MVB12B: variants seen among roughly 807,000 people sequenced by gnomAD.
MVB12B encodes the protein multivesicular body subunit 12B, also known as ESCRT-I complex subunit MVB12B.
MVB12B carries 16 observed loss-of-function variants against 41.6 expected under a neutral mutation model. The observed-to-expected ratio is 0.38, with a 90% CI of 0.26 to 0.58. The LOEUF is 0.58. Among genes scored for constraint, MVB12B ranks in the 20% least tolerant of loss-of-function variants. The pLI is 0.62. For synonymous variants in MVB12B, 133 were observed against 139.7 expected, an observed-to-expected ratio of 0.95 and a Z score of 0.34; for missense variants, 274 against 380.2, an observed-to-expected ratio of 0.72 and a Z score of 2.32.
rs529836752 is a variant in MVB12B at position 126,455,923 on chromosome 9, C to G, written c.758-25446C>G. 2.7e-5 allele frequency among the ~76,000 whole-genome samples: 3 copies of G among 113,048 alleles called. No homozygotes were observed. The East Asian group carries it at 8.5e-4, about 32-fold the overall frequency. The allele number at this position is 113,048 out of a possible 152,430, so 74.2% of individuals were successfully genotyped here. A position where few individuals can be genotyped will look rare whatever the true frequency, so the allele number is the denominator to read the frequency against. On this transcript the variant is annotated intron_variant, in intron 7 of 9. Transcript: ENST00000361171. ...TTTTTTTTTTTGAGACGGAGTCTTG[C>G]TCTTTTGCCCAGGCTGGAATGCAAT... is the stretch of plus-strand genomic sequence containing the variant.
At chr9:126,482,180 GGTGGCA>G (rs57868458) in intron 8 of MVB12B, among the ~76,000 whole-genome samples, 63,415 of 151,786 alleles carry the variant, frequency 0.42, 13,681 homozygotes, top group East Asian at 0.7. Context: ...CAGCCCCCAA[GGTGGCA>G]GTGGCCCCCT....
At chr9:126,493,187 ATTATT>A (rs1419175820) in intron 9 of MVB12B, among the ~76,000 whole-genome samples, 2 of 151,992 alleles carry the variant, frequency 1.3e-5, no homozygotes, top group African/African-American at 2.4e-5. Context: ...GTTTTCCCTT[ATTATT>A]TTATATATTA....
rs1281943541 is a variant in MVB12B, at chr9:126,395,498, T to C, written c.540-77T>C. ...TGTTTGAGGCCATGACTCTTTTAAA[T>C]GAATTGGTTTGCTTTGTCACTCAGG... On this transcript the variant is annotated intron_variant, in intron 5 of 9. Transcript: ENST00000361171. This position sits in a 1 kb window ranked among gnomAD's most constrained non-coding sequence, Gnocchi z 4.9. 6.5e-7 allele frequency: 1 copy of C among 1,544,496 alleles called. No individual in the cohort carries two copies. Among genetic ancestry groups the C allele is most frequent in the Non-Finnish European group, 8.8e-7 (1 of 1,132,406 alleles).
chr9:126,499,337 C>G (rs73670226), intron 9 of MVB12B, among the ~76,000 whole-genome samples: 1 of 152,152 alleles, frequency 6.6e-6, no homozygotes, highest in Non-Finnish European at 1.5e-5. Flanking sequence ...GGCTGCCCAG[C>G]TGCTGCAGTG....
Position 126,505,689 on chromosome 9 carries a change from T to A in MVB12B, c.*2426T>A, listed in dbSNP as rs1433986944. Reference sequence around the variant, plus strand: ...GTGTGTGTGTGTGTGTATATGTGTGTGTGTGCACGCACATGCGTGTGTATA... The same window carrying A: ...GTGTGTGTGTGTGTGTATATGTGTGAGTGTGCACGCACATGCGTGTGTATA... On this transcript the variant is annotated 3_prime_UTR_variant, in exon 10 of 10. Coordinates refer to ENST00000361171, the MANE Select transcript of MVB12B (RefSeq NM_033446.3). The A allele has an allele frequency of 6.7e-6, 1 of 149,298 alleles. No homozygotes were observed. 9.2% of individuals were successfully genotyped at this position (149,298 alleles called of 1,614,324 possible).
In MVB12B at chr9:126,340,691, T is replaced by C. The variant is rs1829422295; in HGVS notation, c.204+61T>C. ...TGATTCTACAAGTATTTATCTCCTG[T>C]GTCCAAGACCTTCTGGCCCTTGCGT... On this transcript the variant is annotated intron_variant, in intron 2 of 9. Transcript: ENST00000361171. This position sits in a 1 kb window ranked among gnomAD's most constrained non-coding sequence, Gnocchi z 4.0. 1 of 1,582,440 alleles carries C rather than the reference T, an allele frequency of 6.3e-7. No individual in the cohort carries two copies. Among genetic ancestry groups the C allele is most frequent in the Admixed American group, 1.7e-5 (1 of 59,120 alleles).
In MVB12B at chr9:126,436,115, G is replaced by A. The variant is rs564633297; in HGVS notation, c.757+14167G>A. Among the ~76,000 whole-genome samples, 1 of 152,296 alleles carries A rather than the reference G, an allele frequency of 6.6e-6. No homozygotes were observed. The highest frequency in any genetic ancestry group is 6.5e-5 in the Admixed American group (1 of 15,302). On this transcript the variant is annotated intron_variant, in intron 7 of 9. Transcript: ENST00000361171. The surrounding 1 kb of genome is among the most constrained non-coding windows in gnomAD (Gnocchi z 4.1). ...AATTTTGGGGAAAAAAAGAGATGCTGTTTTTTGGATCACTGCACAAGAATT... is the reference window on the plus strand; with the variant it reads ...AATTTTGGGGAAAAAAAGAGATGCTATTTTTTGGATCACTGCACAAGAATT...
intron 2 of MVB12B, among the ~76,000 whole-genome samples, chr9:126,341,034 C>T (rs1197718779): frequency 6.6e-6 from 1 of 152,168 alleles, no homozygotes; most frequent in African/African-American, 2.4e-5. Context: ...TGTTTCCTAC[C>T]CATGAACTCA....
At chr9:126,415,996 C>A (rs375905090) in intron 6 of MVB12B, among the ~76,000 whole-genome samples, 1 of 152,124 alleles carries the variant, frequency 6.6e-6, no homozygotes, top group African/African-American at 2.4e-5. Flanking sequence ...GGAACAAAAG[C>A]GGCTACTGAG....
chr9:126,443,518 C>T (rs961835547), intron 7 of MVB12B, among the ~76,000 whole-genome samples: 7 of 152,266 alleles, frequency 4.6e-5, no homozygotes, highest in African/African-American at 1.7e-4. Context: ...CTTTTCTTAC[C>T]TGAATGATAA....
At chr9:126,430,893 C>T (rs1472020736) in intron 7 of MVB12B, among the ~76,000 whole-genome samples, 2 of 152,218 alleles carry the variant, frequency 1.3e-5, no homozygotes, top group Non-Finnish European at 2.9e-5. Flanking sequence ...GTATCCATAC[C>T]TTTAAAACAA....
At chr9:126,429,908 C>G (rs967957185) in intron 7 of MVB12B, among the ~76,000 whole-genome samples, 3 of 152,264 alleles carry the variant, frequency 2.0e-5, no homozygotes, top group African/African-American at 7.2e-5. Flanking sequence ...TCATCTTACT[C>G]CAGATGAAGT....
intron 1 of MVB12B, among the ~76,000 whole-genome samples, chr9:126,335,888 TA>T (rs1474772196): frequency 2.6e-5 from 4 of 152,404 alleles, no homozygotes; most frequent in African/African-American, 9.6e-5. Context: ...TCAATTACAG[TA>T]GCCCAATTTA....
At chr9:126,379,429 C>G (rs961190400) in intron 2 of MVB12B, among the ~76,000 whole-genome samples, 2 of 152,102 alleles carry the variant, frequency 1.3e-5, no homozygotes, top group African/African-American at 4.8e-5. Context: ...AGACCACTGC[C>G]TTAAATCTCA....
At chr9:126,470,832 G>T (rs1833300484) in intron 7 of MVB12B, among the ~76,000 whole-genome samples, 1 of 152,200 alleles carries the variant, frequency 6.6e-6, no homozygotes, top group South Asian at 2.1e-4. Context: ...CATGGATTGT[G>T]TAATTTAATA....
chr9:126,410,855 A>T (rs569395593), intron 6 of MVB12B, among the ~76,000 whole-genome samples: 1 of 146,830 alleles, frequency 6.8e-6, no homozygotes, highest in African/African-American at 2.5e-5. Context: ...CCTGTAGTAG[A>T]CTCTCAACAG....
intron 7 of MVB12B, among the ~76,000 whole-genome samples, chr9:126,438,914 C>A (rs2159790): frequency 0.052 from 7,956 of 152,088 alleles, 281 homozygotes; most frequent in Non-Finnish European, 0.083. Context: ...AGAGTTGAAT[C>A]CCGTGTATGA....
chr9:126,442,786 C>T (rs1013386733), intron 7 of MVB12B, among the ~76,000 whole-genome samples: 3 of 152,118 alleles, frequency 2.0e-5, no homozygotes, highest in Non-Finnish European at 4.4e-5. Flanking sequence ...GGCCTACAGC[C>T]GGCCAACATG....
chr9:126,327,506 C>T (rs1257016872), intron 1 of MVB12B, among the ~76,000 whole-genome samples: 1 of 152,200 alleles, frequency 6.6e-6, no homozygotes, highest in Admixed American at 6.5e-5. Context: ...CCTCAGGCAC[C>T]TGTCTGGAAG....
Sources: gnomAD v4.1 joint callset for allele counts (sites outside exome capture counted in the v4.1 genomes callset) on GRCh38, gnomAD v4.1.1 for gene constraint, Gnocchi (gnomAD v3.1) non-coding constraint, MANE v1.5 for transcripts, NCBI Gene and HGNC (gene_info 2026-07-23, HGNC 2026-07-21) for gene names.